The following PCNX2 variants were observed in gnomAD, a reference collection of about 807,000 sequenced individuals.
PCNX2 encodes pecanex-like protein 2.
A neutral mutation model predicts 223.8 loss-of-function variants in PCNX2; 168 were observed. The observed-to-expected ratio is 0.75, with a 90% CI of 0.66 to 0.85. The LOEUF (loss-of-function observed/expected upper bound fraction) is 0.85. Ranked by LOEUF, PCNX2 falls within the 40% of genes least tolerant of loss-of-function variation. PCNX2 has a pLI of 0.00. For missense variants in PCNX2, 2,507 were observed against 2,675.5 expected (o/e 0.94, Z 1.39); for synonymous variants, 1,006 against 1,052.6 (o/e 0.96, Z 0.86).
At chr1:233,215,844 T>C (rs952869131) in intron 12 of PCNX2, among the ~76,000 whole-genome samples, 3 of 152,236 alleles carry the variant, frequency 2.0e-5, no homozygotes, top group African/African-American at 7.2e-5. Context: ...ACCCTAATTA[T>C]GCTGCTTCTA....
intron 21 of PCNX2, among the ~76,000 whole-genome samples, chr1:233,105,642 T>C (rs984234413): frequency 2.6e-5 from 4 of 152,100 alleles, no homozygotes; most frequent in Non-Finnish European, 5.9e-5. Flanking sequence ...ACAGAAACAA[T>C]GCAGGGATGA....
chr1:233,133,178 C>T (rs995040206), intron 21 of PCNX2, among the ~76,000 whole-genome samples: 1 of 152,070 alleles, frequency 6.6e-6, no homozygotes, highest in East Asian at 1.9e-4. Context: ...GGATTACAGG[C>T]GTGAGCCACT....
In PCNX2 at chr1:232,999,041, G is replaced by A; in HGVS notation, c.5603+64C>T. On this transcript the variant is annotated intron_variant, in intron 31 of 33. Transcript: ENST00000258229. ...GTGAAATCTGAACCAGGAGTACAGA[G>A]CTCCCTGCATCCCCCACACCTTCCC... 6.6e-6 allele frequency: 10 copies of A among 1,511,400 alleles called. No homozygotes were observed. In the South Asian group the frequency reaches 1.3e-4, roughly 20 times the overall value. The allele number at this position is 1,511,400 out of a possible 1,614,324, so 93.6% of individuals were successfully genotyped here. A position where few individuals can be genotyped will look rare whatever the true frequency, so the allele number is the denominator to read the frequency against.
At chr1:233,108,151 C>T (rs529192155) in intron 21 of PCNX2, among the ~76,000 whole-genome samples, 4 of 152,168 alleles carry the variant, frequency 2.6e-5, no homozygotes, top group Admixed American at 6.5e-5. Context: ...TTCTGGGCTG[C>T]GTTGTCTGTG....
chr1:233,282,954 A>T (rs1268093972), intron 1 of PCNX2, among the ~76,000 whole-genome samples: 2 of 152,300 alleles, frequency 1.3e-5, no homozygotes, highest in East Asian at 3.9e-4. Context: ...AAATAATTGG[A>T]AAATAATTCA....
chr1:233,285,791 A>T lies in PCNX2; in HGVS notation c.153+9535T>A, dbSNP rs574212320. Among the ~76,000 whole-genome samples the T allele has an allele frequency of 1.1e-3, 164 of 152,372 alleles. 1 individual carries two copies. Among genetic ancestry groups the T allele is most frequent in the African/African-American group, 3.7e-3 (154 of 41,592 alleles). On this transcript the variant is annotated intron_variant, in intron 1 of 33. Coordinates refer to ENST00000258229, the MANE Select transcript of PCNX2 (RefSeq NM_014801.4). ...GACTGATCCATATACAACTAATGGC[A>T]TTAGGTTAAAAATCATCTGAAAACC...
At chr1:233,137,057 C>T (rs78725559) in intron 20 of PCNX2, among the ~76,000 whole-genome samples, 3,067 of 152,254 alleles carry the variant, frequency 0.02, 39 homozygotes, top group East Asian at 0.051. Context: ...CATTAATGAC[C>T]CATAGATCAT....
chr1:233,135,406 A>C (rs531645621), intron 20 of PCNX2, among the ~76,000 whole-genome samples: 1 of 152,344 alleles, frequency 6.6e-6, no homozygotes, highest in African/African-American at 2.4e-5. Context: ...AAAGGGGCAG[A>C]ACAAAAATGG....
intron 1 of PCNX2, among the ~76,000 whole-genome samples, chr1:233,268,562 G>A (rs1660469277): frequency 6.6e-6 from 1 of 152,200 alleles, no homozygotes; most frequent in Non-Finnish European, 1.5e-5. Context: ...TGAAGAAGCT[G>A]GGTGTAAAGT....
intron 1 of PCNX2, among the ~76,000 whole-genome samples, chr1:233,270,583 GAC>G (rs1369129574): frequency 6.6e-5 from 10 of 152,176 alleles, no homozygotes; most frequent in African/African-American, 2.2e-4. Flanking sequence ...CAAAACATTT[GAC>G]AGTTTCTCAA....
intron 8 of PCNX2, among the ~76,000 whole-genome samples, chr1:233,237,835 C>T (rs996787737): frequency 2.0e-5 from 3 of 152,098 alleles, no homozygotes; most frequent in African/African-American, 7.2e-5. Flanking sequence ...TTAAGCCATT[C>T]ACCCTGGCCA....
chr1:233,052,105 C>T (rs1672026938), intron 25 of PCNX2, among the ~76,000 whole-genome samples: 1 of 152,110 alleles, frequency 6.6e-6, no homozygotes, highest in South Asian at 2.1e-4. Flanking sequence ...ACTAAGCCCC[C>T]TAAATTAGAT....
At chr1:233,187,010 C>T (rs1187506655) in intron 15 of PCNX2, among the ~76,000 whole-genome samples, 1 of 152,142 alleles carries the variant, frequency 6.6e-6, no homozygotes, top group African/African-American at 2.4e-5. Context: ...TGTAGCACAC[C>T]TTTTATGTGA....
At chr1:233,315,665 A>G in the PCNX2 span, among the ~76,000 whole-genome samples, 1 of 152,232 alleles carries the variant, frequency 6.6e-6, no homozygotes, top group East Asian at 1.9e-4. Flanking sequence ...ATAAGTCACT[A>G]CAGAGTAAAT....
At chr1:233,156,369 A>G (rs1678124387) in intron 19 of PCNX2, among the ~76,000 whole-genome samples, 1 of 152,242 alleles carries the variant, frequency 6.6e-6, no homozygotes, top group African/African-American at 2.4e-5. Flanking sequence ...CACCAAGTTT[A>G]AAGTTTGTTC....
chr1:233,068,308 G>A (rs776996564), intron 23 of PCNX2, among the ~76,000 whole-genome samples: 1 of 152,022 alleles, frequency 6.6e-6, no homozygotes, highest in African/African-American at 2.4e-5. Context: ...GAAAAACTAA[G>A]AGAATGTGTC....
chr1:233,022,604 T>G (rs1670930553), intron 26 of PCNX2, among the ~76,000 whole-genome samples: 1 of 118,524 alleles, frequency 8.4e-6, no homozygotes, highest in African/African-American at 5.0e-5. Flanking sequence ...CAGTGAGAGA[T>G]GGGGGGGGAG....
intron 21 of PCNX2, among the ~76,000 whole-genome samples, chr1:233,098,337 C>T (rs139829433): frequency 2.8e-4 from 42 of 152,234 alleles, no homozygotes; most frequent in African/African-American, 1.0e-3. Context: ...AACTTTGCTG[C>T]GTTATGATTA....
chr1:232,996,484 G>A (rs1034158508), intron 32 of PCNX2, among the ~76,000 whole-genome samples: 2 of 151,492 alleles, frequency 1.3e-5, no homozygotes, highest in African/African-American at 2.4e-5. Flanking sequence ...TCCAGCAGGT[G>A]TCCTGCAGGG....
Sources: gnomAD v4.1 joint callset for allele counts (sites outside exome capture counted in the v4.1 genomes callset) on GRCh38, gnomAD v4.1.1 for gene constraint, MANE v1.5 for transcripts, NCBI Gene and HGNC (gene_info 2026-07-23, HGNC 2026-07-21) for gene names.